SLC13A4: variants seen among roughly 807,000 people sequenced by gnomAD.
SLC13A4 encodes the protein Na(+)/sulfate cotransporter SUT-1.
Under a neutral mutation model 72.7 loss-of-function variants are expected in SLC13A4, and 28 were observed. That is an observed-to-expected ratio of 0.39 (90% CI 0.29 to 0.53). The LOEUF (loss-of-function observed/expected upper bound fraction) is 0.53. SLC13A4 is among the 20% of genes least tolerant of loss of function. The pLI, the probability that SLC13A4 is intolerant of heterozygous loss-of-function variation, is 0.78. For synonymous variants in SLC13A4, 312 were observed against 325.5 expected, an observed-to-expected ratio of 0.96 and a Z score of 0.45; for missense variants, 653 against 788.0, an observed-to-expected ratio of 0.83 and a Z score of 2.05.
At chr7:135,713,085 A>G (rs1796339491) in intron 2 of SLC13A4, among the ~76,000 whole-genome samples, 5 of 152,176 alleles carry the variant, frequency 3.3e-5, no homozygotes. Context: ...GATGCTTGCC[A>G]TTAGCATTCC....
At chr7:135,721,827 G>A (rs768575276) in intron 1 of SLC13A4, among the ~76,000 whole-genome samples, 5 of 152,232 alleles carry the variant, frequency 3.3e-5, no homozygotes, top group Non-Finnish European at 7.3e-5. Flanking sequence ...CTTAACTGCA[G>A]TGACCAGACC....
intron 2 of SLC13A4, among the ~76,000 whole-genome samples, chr7:135,713,609 A>T (rs1796353592): frequency 6.6e-6 from 1 of 151,854 alleles, no homozygotes; most frequent in Admixed American, 6.6e-5. Flanking sequence ...ACAGAGTCTC[A>T]CTCTGTTGCC....
chr7:135,698,987 C>T lies in SLC13A4; in HGVS notation c.899+377G>A, dbSNP rs1795969150. On this transcript the variant is annotated intron_variant, in intron 8 of 15. Coordinates refer to ENST00000682651, the MANE Select transcript of SLC13A4 (RefSeq NM_001318192.2). ...ACACTGTCTTGCTCTATCGCTCAGG[C>T]TCGGGTTCAGTGGCAGGATCATGGC... is the stretch of plus-strand genomic sequence containing the variant. Among the ~76,000 whole-genome samples, 6 of 151,996 alleles carry T rather than the reference C, an allele frequency of 3.9e-5. No individual in the cohort carries two copies. In the South Asian group the frequency reaches 8.3e-4, roughly 21 times the overall value.
intron 11 of SLC13A4, 36 bp downstream of exon 11, chr7:135,692,287 G>A (rs1252771247): frequency 7.7e-6 from 11 of 1,428,468 alleles, no homozygotes; most frequent in Non-Finnish European, 1.1e-5. Flanking sequence ...ATTGGGGTGA[G>A]GGGGTTGTTC....
rs2129494862 is a variant in SLC13A4 at position 135,708,190 on chromosome 7, C to T, written c.289G>A (p.Ala97Thr). ...TGCAGGTTCCACTTCTCCACGGCAG[C>T]CGCCACGCAGATGACCCCCACCAGC... The part of the protein sequence containing the change: ...LLLVGVICVA[A>T]AVEKWNLHKR... The change falls in exon 3 of 16, where the codon GCT becomes ACT. Residue 97 changes from alanine to threonine, a missense_variant. Transcript: ENST00000682651. The T allele has an allele frequency of 6.2e-7, 1 of 1,614,194 alleles. No individual in the cohort carries two copies. Among genetic ancestry groups the T allele is most frequent in the East Asian group, 2.2e-5 (1 of 44,888 alleles).
At position 135,691,485 on chromosome 7, in the gene SLC13A4, A is replaced by G. The variant is rs1795786221; in HGVS notation, c.1321+63T>C. On this transcript the variant is annotated intron_variant, in intron 12 of 15. Transcript: ENST00000682651. ...AAGGACCTTGGTAAATCTCTTTGGG[A>G]GTATTAGTCTGATTTGGGTATTCTT... The G allele has an allele frequency of 2.0e-6, 3 of 1,523,016 alleles. No individual in the cohort carries two copies. In the Admixed American group the frequency reaches 5.2e-5, roughly 26 times the overall value. 94.3% of individuals were successfully genotyped at this position (1,523,016 alleles called of 1,614,324 possible).
At chr7:135,708,030 CG>C in intron 3 of SLC13A4, 83 bp downstream of exon 3, 1 of 1,523,964 alleles carries the variant, frequency 6.6e-7, no homozygotes, top group South Asian at 1.2e-5. Flanking sequence ...GTGGACATCC[CG>C]CAGTGACCTG....
intron 11 of SLC13A4, 112 bp downstream of exon 11, chr7:135,692,211 C>T: frequency 1.2e-6 from 1 of 804,682 alleles, no homozygotes; most frequent in South Asian, 1.5e-5. Context: ...GAGTGGATTT[C>T]CTGGGGAATG....
At chr7:135,722,053 C>G (rs1796560438) in intron 1 of SLC13A4, among the ~76,000 whole-genome samples, 1 of 152,070 alleles carries the variant, frequency 6.6e-6, no homozygotes, top group Non-Finnish European at 1.5e-5. Flanking sequence ...CCAGCCTGGG[C>G]AATATATAGC....
intron 8 of SLC13A4, among the ~76,000 whole-genome samples, chr7:135,695,952 A>G (rs3800766): frequency 0.056 from 8,460 of 152,272 alleles, 275 homozygotes; most frequent in South Asian, 0.085. Flanking sequence ...AACGGTGCCC[A>G]TAAGAGAACC....
Position 135,727,689 on chromosome 7 carries a change from C to T in SLC13A4, c.-193G>A. The T allele has an allele frequency of 1.7e-6, 1 of 602,232 alleles. No individual in the cohort carries two copies. Among genetic ancestry groups the T allele is most frequent in the Non-Finnish European group, 2.8e-6 (1 of 363,510 alleles). The allele number at this position is 602,232 out of a possible 1,614,324, so 37.3% of individuals were successfully genotyped here. On this transcript the variant is annotated 5_prime_UTR_variant, in exon 1 of 16. Transcript: ENST00000682651. The stretch of plus-strand genomic sequence containing the variant: ...TTCTACAAGAGGCTGGGCTCCTGGC[C>T]TCCTGCTTTAGGTGGGATTGATGAG...
chr7:135,713,177 A>G (rs1796341252), intron 2 of SLC13A4, among the ~76,000 whole-genome samples: 1 of 152,206 alleles, frequency 6.6e-6, no homozygotes. Flanking sequence ...TTTTTTGTAA[A>G]GAGAAATTAG....
At chr7:135,713,711 A>G (rs1422874915) in intron 2 of SLC13A4, among the ~76,000 whole-genome samples, 1 of 152,074 alleles carries the variant, frequency 6.6e-6, no homozygotes. Flanking sequence ...CCCGGTAGCT[A>G]TGACTACAGG....
intron 5 of SLC13A4, chr7:135,704,424 C>G (rs1796116654): frequency 6.6e-6 from 1 of 152,420 alleles, no homozygotes. Context: ...CATCCAGACC[C>G]TTCTCACCCA....
At chr7:135,727,375 G>T in intron 1 of SLC13A4, 23 bp downstream of exon 1, 2 of 1,546,182 alleles carry the variant, frequency 1.3e-6, no homozygotes, top group Non-Finnish European at 1.7e-6. Flanking sequence ...CCAGACCCCC[G>T]GTGGGCGCAG....
rs1796152281 is a variant in SLC13A4 at position 135,706,023 on chromosome 7, C to T, written c.538+105G>A. ...AATGTGGGGGCATGGCTGAGGGGGT[C>T]CTGGGGTGGGCACAAAGTTGGGCAG... On this transcript the variant is annotated intron_variant, in intron 4 of 15. Transcript: ENST00000682651. 3 of 1,056,932 alleles carry T rather than the reference C, an allele frequency of 2.8e-6. No homozygotes were observed. In the East Asian group the frequency reaches 7.3e-5, roughly 26 times the overall value. The allele number at this position is 1,056,932 out of a possible 1,614,324, so 65.5% of individuals were successfully genotyped here.
intron 9 of SLC13A4, among the ~76,000 whole-genome samples, chr7:135,694,951 G>A (rs1392188941): frequency 6.6e-6 from 1 of 152,184 alleles, no homozygotes; most frequent in African/African-American, 2.4e-5. Context: ...AGGCTACTAA[G>A]TATAAATCAC....
chr7:135,704,673 T>C (rs1796122487), intron 5 of SLC13A4: 1 of 152,006 alleles, frequency 6.6e-6, no homozygotes, highest in Non-Finnish European at 1.5e-5. Context: ...TTTGGACTAG[T>C]CTCCCAAATG....
chr7:135,700,488 C>G (rs1197193741), intron 7 of SLC13A4, among the ~76,000 whole-genome samples: 1 of 152,176 alleles, frequency 6.6e-6, no homozygotes, highest in Non-Finnish European at 1.5e-5. Context: ...CCCCATCTTC[C>G]TAGTGGGGCC....
Sources: allele counts gnomAD v4.1 joint callset (sites outside exome capture counted in the v4.1 genomes callset), GRCh38; gene constraint gnomAD v4.1.1; transcripts MANE v1.5; gene names NCBI Gene and HGNC (gene_info 2026-07-23, HGNC 2026-07-21).